Variants in NFATC1 observed in about 807,000 individuals in gnomAD.
NFATC1 encodes the protein nuclear factor of activated T-cells, cytoplasmic 1.
Under a neutral mutation model 76.0 loss-of-function variants are expected in NFATC1, and 22 were observed. The ratio of observed to expected loss-of-function variants is 0.29; its 90% confidence interval spans 0.21 to 0.41. The LOEUF (loss-of-function observed/expected upper bound fraction) is 0.41, where lower values mean the gene tolerates loss of function less well. Ranked by LOEUF, NFATC1 falls within the 10% of genes least tolerant of loss-of-function variation. NFATC1 has a pLI of 1.00. For missense variants in NFATC1, 1,357 were observed against 1,337.7 expected (o/e 1.01, Z -0.23); for synonymous variants, 704 against 613.1 (o/e 1.15, Z -2.19).
At chr18:79,416,782 G>T (rs1050394025) in intron 2 of NFATC1, among the ~76,000 whole-genome samples, 1 of 152,206 alleles carries the variant, frequency 6.6e-6, no homozygotes, top group East Asian at 1.9e-4. Flanking sequence ...TCGAAGCCAC[G>T]TCGCCCTGGC....
chr18:79,435,911 T>C (rs1025217324), intron 3 of NFATC1, among the ~76,000 whole-genome samples: 4 of 152,214 alleles, frequency 2.6e-5, no homozygotes, highest in African/African-American at 9.6e-5. Context: ...GCTGTCAGCA[T>C]ATCTCATTTG....
chr18:79,496,070 A>C (rs2089877283), intron 9 of NFATC1: 1 of 151,836 alleles, frequency 6.6e-6, no homozygotes, highest in Non-Finnish European at 1.5e-5. Context: ...GGCATTCGCA[A>C]GTGTGTCATT....
chr18:79,422,979 G>T (rs569432995), intron 2 of NFATC1, among the ~76,000 whole-genome samples: 1 of 151,778 alleles, frequency 6.6e-6, no homozygotes, highest in Non-Finnish European at 1.5e-5. Flanking sequence ...TCACCCATCC[G>T]GGGCAGGGCA....
chr18:79,431,080 A>C (rs1224891137), intron 2 of NFATC1, among the ~76,000 whole-genome samples: 1 of 152,214 alleles, frequency 6.6e-6, no homozygotes, highest in East Asian at 1.9e-4. Context: ...CTGTCAGGGA[A>C]GCTGTCGTGG....
At chr18:79,442,669 G>A (rs914048921) in intron 3 of NFATC1, among the ~76,000 whole-genome samples, 1 of 152,118 alleles carries the variant, frequency 6.6e-6, no homozygotes, top group African/African-American at 2.4e-5. Context: ...AGCAGTGTGC[G>A]GTTGTTGGCG....
At chr18:79,481,974 C>A (rs1247097924) in intron 8 of NFATC1, among the ~76,000 whole-genome samples, 38 of 109,928 alleles carry the variant, frequency 3.5e-4, no homozygotes, top group South Asian at 6.3e-4. Context: ...CCTGGGGTGT[C>A]ATTCCAGCGT....
At chr18:79,419,800 G>C (rs920132250) in intron 2 of NFATC1, among the ~76,000 whole-genome samples, 1 of 152,246 alleles carries the variant, frequency 6.6e-6, no homozygotes, top group Non-Finnish European at 1.5e-5. Flanking sequence ...TAGGTGCTTC[G>C]GCAGCCGGGC....
chr18:79,404,623 T>A (rs1183815519), intron 1 of NFATC1, among the ~76,000 whole-genome samples: 1 of 152,198 alleles, frequency 6.6e-6, no homozygotes, highest in South Asian at 2.1e-4. Context: ...AAGGGAATGT[T>A]CCTTAAAATG....
intron 3 of NFATC1, 113 bp from the exon 4 acceptor site, chr18:79,448,669 G>A (rs1177486824): frequency 1.1e-6 from 1 of 948,026 alleles, no homozygotes; most frequent in African/African-American, 1.6e-5. Context: ...TAAAAAGGGG[G>A]CAGGGCAGGG....
At chr18:79,493,711 G>A (rs2089771155) in intron 9 of NFATC1, 1 of 152,230 alleles carries the variant, frequency 6.6e-6, no homozygotes, top group African/African-American at 2.4e-5. Flanking sequence ...CCCCCCGGCT[G>A]AGGATGATTG....
intron 3 of NFATC1, among the ~76,000 whole-genome samples, chr18:79,436,785 G>C (rs1469489469): frequency 6.6e-6 from 1 of 152,108 alleles, no homozygotes; most frequent in East Asian, 1.9e-4. Context: ...AGGGGGTCCG[G>C]CATCCGGGGC....
chr18:79,428,190 C>A (rs1012617062), intron 2 of NFATC1, among the ~76,000 whole-genome samples: 3 of 152,098 alleles, frequency 2.0e-5, no homozygotes, highest in African/African-American at 7.2e-5. Flanking sequence ...TCAGCCAGGC[C>A]CTGTGGTGTC....
intron 8 of NFATC1, among the ~76,000 whole-genome samples, chr18:79,479,314 A>G (rs1296268450): frequency 6.6e-6 from 1 of 152,224 alleles, no homozygotes; most frequent in Non-Finnish European, 1.5e-5. Flanking sequence ...CACGGGCAAC[A>G]GCTTGAACTG....
At chr18:79,435,567 G>A (rs907732445) in intron 3 of NFATC1, among the ~76,000 whole-genome samples, 1 of 151,980 alleles carries the variant, frequency 6.6e-6, no homozygotes, top group African/African-American at 2.4e-5. Flanking sequence ...CCGTCTCTGC[G>A]GACACAGCTC....
chr18:79,407,736 C>T (rs541851141), intron 1 of NFATC1, among the ~76,000 whole-genome samples: 179 of 152,362 alleles, frequency 1.2e-3, no homozygotes, highest in African/African-American at 3.1e-3. Context: ...TGAGCCACCG[C>T]GCCTGGCCAC....
intron 8 of NFATC1, among the ~76,000 whole-genome samples, chr18:79,482,699 T>G (rs1384992705): frequency 1.5e-5 from 2 of 136,160 alleles, no homozygotes; most frequent in African/African-American, 5.5e-5. Context: ...CAGCATGACC[T>G]GGTTCCTGGG....
chr18:79,401,337 G>A (rs1041022709), intron 1 of NFATC1, among the ~76,000 whole-genome samples: 1 of 152,078 alleles, frequency 6.6e-6, no homozygotes, highest in African/African-American at 2.4e-5. Flanking sequence ...CATATTTTCC[G>A]TATCGTTCAC....
At chr18:79,473,483 G>A (rs978947457) in intron 8 of NFATC1, among the ~76,000 whole-genome samples, 3 of 151,248 alleles carry the variant, frequency 2.0e-5, no homozygotes, top group African/African-American at 4.9e-5. Flanking sequence ...CCAGGGAAGC[G>A]TGTTCTCACG....
Position 79,486,428 on chromosome 18 carries a change from T to C in NFATC1, c.2273T>C (p.Met758Thr), listed in dbSNP as rs753386603. 16 of 1,612,330 alleles carry C rather than the reference T, an allele frequency of 9.9e-6. No individual in the cohort carries two copies. The East Asian group carries it at 3.1e-4, about 31-fold the overall frequency. Residue 758 changes from methionine (M) to threonine (T), a missense_variant, in exon 9 of 10, where the codon ATG (methionine) becomes ACG (threonine). Coordinates refer to ENST00000427363, the MANE Select transcript of NFATC1 (RefSeq NM_001278669.2). ...CCCTGTCCGCAGAGAAGCACCCTGA[T>C]GCCAGCGGCCCCTGGCGTGAGCCCC... ...FPPCPQRSTLMPAAPGVSPKL... is the reference protein window; with the variant it reads ...FPPCPQRSTLTPAAPGVSPKL...
Sources: gnomAD v4.1 joint callset for allele counts (sites outside exome capture counted in the v4.1 genomes callset) on GRCh38, gnomAD v4.1.1 for gene constraint, MANE v1.5 for transcripts, NCBI Gene and HGNC (gene_info 2026-07-23, HGNC 2026-07-21) for gene names.